SERINC5: variants seen among roughly 807,000 people sequenced by gnomAD.
SERINC5 encodes the protein serine incorporator 5, also known as chromosome 5 open reading frame 12.
In SERINC5, 41 loss-of-function variants were observed where a neutral mutation model predicts 63.1. That is an observed-to-expected ratio of 0.65 (90% CI 0.51 to 0.84). The LOEUF is 0.84. Ranked by LOEUF, SERINC5 falls within the 40% of genes least tolerant of loss-of-function variation. SERINC5 has a pLI of 0.00. For synonymous variants in SERINC5, 222 were observed against 215.2 expected, an observed-to-expected ratio of 1.03 and a Z score of -0.28; for missense variants, 523 against 573.0, an observed-to-expected ratio of 0.91 and a Z score of 0.89.
intron 1 of SERINC5, among the ~76,000 whole-genome samples, chr5:80,234,811 T>C (rs1751612150): frequency 6.6e-6 from 1 of 152,178 alleles, no homozygotes; most frequent in African/African-American, 2.4e-5. Flanking sequence ...GAAACCATAA[T>C]TGGGTTCATC....
intron 2 of SERINC5, among the ~76,000 whole-genome samples, chr5:80,192,434 C>CA (rs767078183): frequency 1.6e-5 from 2 of 128,272 alleles, no homozygotes; most frequent in Non-Finnish European, 3.6e-5. Flanking sequence ...TCCCATATGT[C>CA]ATTTTTTTTT....
intron 2 of SERINC5, among the ~76,000 whole-genome samples, chr5:80,189,223 G>A (rs1399990416): frequency 1.3e-5 from 2 of 152,168 alleles, no homozygotes; most frequent in East Asian, 1.9e-4. Flanking sequence ...AGGGGTAATA[G>A]AGCAGAAGAG....
In SERINC5 at chr5:80,142,060, T is replaced by C; in HGVS notation, c.*1603A>G. On this transcript the variant is annotated 3_prime_UTR_variant, in exon 12 of 12. Coordinates refer to ENST00000507668, the MANE Select transcript of SERINC5 (RefSeq NM_001174072.3). ...ACTCAATTCTGCCCAACTCATACAG[T>C]AGGGCACAGAAAAAAATGACTAGGC... The C allele has an allele frequency of 1.3e-5, 13 of 985,384 alleles. No homozygotes were observed. Among genetic ancestry groups the C allele is most frequent in the Non-Finnish European group, 1.6e-5 (13 of 829,910 alleles). 61.0% of individuals were successfully genotyped at this position (985,384 alleles called of 1,614,324 possible).
At chr5:80,199,335 A>G (rs2112480871) in intron 2 of SERINC5, among the ~76,000 whole-genome samples, 1 of 152,354 alleles carries the variant, frequency 6.6e-6, no homozygotes, top group East Asian at 1.9e-4. Flanking sequence ...GGGTAATGCT[A>G]GTACCTACTG....
intron 7 of SERINC5, 101 bp downstream of exon 7, chr5:80,166,282 C>CA (rs1338627526): frequency 2.4e-6 from 2 of 828,256 alleles, no homozygotes; most frequent in Non-Finnish European, 3.9e-6. Flanking sequence ...TCTTTCTGCT[C>CA]TCTATCTCCA....
Position 80,143,689 on chromosome 5 carries a change from A to T in SERINC5, c.1360T>A (p.Cys454Ser). 6.5e-7 allele frequency: 1 copy of T among 1,536,128 alleles called. No homozygotes were observed. The highest frequency in any genetic ancestry group is 8.7e-7 in the Non-Finnish European group (1 of 1,146,878). ...YLCTLVAPLC[C>S]PTREFSV ...CACACAGAGAACTCCCGGGTGGGGC[A>T]GCAGAGGGGAGCGACCAGCGTACAC... The change falls in exon 12 of 12, where the codon TGC becomes AGC. Residue 454 changes from cysteine (C) to serine (S), a missense_variant. Cys to Ser is a moderately radical substitution (Grantham distance 112). Coordinates refer to ENST00000507668, the MANE Select transcript of SERINC5 (RefSeq NM_001174072.3).
intron 1 of SERINC5, among the ~76,000 whole-genome samples, chr5:80,251,781 A>G (rs4704653): frequency 0.63 from 95,270 of 151,096 alleles, 30,178 homozygotes; most frequent in South Asian, 0.74. Flanking sequence ...TGGCAACCAC[A>G]GGCTTGATCC....
At chr5:80,193,036 G>A (rs1344878315) in intron 2 of SERINC5, among the ~76,000 whole-genome samples, 1 of 152,164 alleles carries the variant, frequency 6.6e-6, no homozygotes, top group African/African-American at 2.4e-5. Flanking sequence ...CCAGCTCTAT[G>A]GGGACAATAA....
At chr5:80,144,547 T>C (rs896805240) in intron 11 of SERINC5, among the ~76,000 whole-genome samples, 1 of 152,186 alleles carries the variant, frequency 6.6e-6, no homozygotes, top group African/African-American at 2.4e-5. Context: ...TCTCCATCTT[T>C]TCTTAAGCTT....
At chr5:80,178,349 C>G (rs1748179701) in intron 2 of SERINC5, among the ~76,000 whole-genome samples, 1 of 104,820 alleles carries the variant, frequency 9.5e-6, no homozygotes, top group African/African-American at 3.7e-5. Flanking sequence ...ACCGCCCCCA[C>G]CCCCACCCCC....
At chr5:80,164,694 T>C (rs1747155694) in intron 7 of SERINC5, among the ~76,000 whole-genome samples, 1 of 152,074 alleles carries the variant, frequency 6.6e-6, no homozygotes, top group African/African-American at 2.4e-5. Flanking sequence ...CTGATCTTTG[T>C]TATTTCTTTT....
intron 5 of SERINC5, among the ~76,000 whole-genome samples, chr5:80,173,243 A>G (rs560269976): frequency 3.6e-5 from 5 of 140,200 alleles, no homozygotes; most frequent in African/African-American, 9.5e-5. Flanking sequence ...GGAAGGAAGG[A>G]AGGAAGGAAG....
At chr5:80,173,513 A>G (rs946138483) in intron 5 of SERINC5, among the ~76,000 whole-genome samples, 32 of 152,184 alleles carry the variant, frequency 2.1e-4, no homozygotes, top group Admixed American at 1.8e-3. Flanking sequence ...GGAAAATGGC[A>G]CGAACCCGGG....
At chr5:80,249,119 CCTGA>C (rs1293518539) in intron 1 of SERINC5, among the ~76,000 whole-genome samples, 1 of 151,860 alleles carries the variant, frequency 6.6e-6, no homozygotes, top group Non-Finnish European at 1.5e-5. Flanking sequence ...TCGAGACCAT[CCTGA>C]CTAACATGGT....
chr5:80,171,096 C>T (rs572821751), intron 5 of SERINC5, among the ~76,000 whole-genome samples: 4 of 152,114 alleles, frequency 2.6e-5, no homozygotes, highest in South Asian at 2.1e-4. Flanking sequence ...TTGCAACCCC[C>T]GCCTCCCAGG....
At chr5:80,162,681 T>C (rs1018789984) in intron 7 of SERINC5, among the ~76,000 whole-genome samples, 2 of 152,170 alleles carry the variant, frequency 1.3e-5, no homozygotes, top group African/African-American at 4.8e-5. Flanking sequence ...GCCCCTCCTT[T>C]TAAGTTTTTC....
intron 5 of SERINC5, among the ~76,000 whole-genome samples, chr5:80,173,241 G>T (rs200364701): frequency 7.2e-6 from 1 of 138,170 alleles, no homozygotes; most frequent in African/African-American, 3.3e-5. Flanking sequence ...AAGGAAGGAA[G>T]GAAGGAAGGA....
chr5:80,202,276 T>C (rs538342364), intron 2 of SERINC5, among the ~76,000 whole-genome samples: 1 of 152,128 alleles, frequency 6.6e-6, no homozygotes, highest in Admixed American at 6.5e-5. Context: ...AGCCATCCTA[T>C]GACAAGGGAA....
At chr5:80,158,992 T>A (rs1746716611) in intron 7 of SERINC5, 30 bp from the exon 8 acceptor site, 9 of 1,611,850 alleles carry the variant, frequency 5.6e-6, no homozygotes, top group African/African-American at 5.3e-5. Context: ...GTCATCACAG[T>A]CAAGTACAAA....
Sources: allele counts gnomAD v4.1 joint callset (sites outside exome capture counted in the v4.1 genomes callset), GRCh38; gene constraint gnomAD v4.1.1; transcripts MANE v1.5; gene names NCBI Gene and HGNC (gene_info 2026-07-23, HGNC 2026-07-21).